KRT86: variants seen among roughly 807,000 people sequenced by gnomAD.
The protein encoded by KRT86 is keratin, type II cuticular Hb6.
KRT86 carries 30 observed loss-of-function variants against 41.2 expected under a neutral mutation model. The observed-to-expected ratio is 0.73, with a 90% CI of 0.54 to 0.99. The LOEUF is 0.99. KRT86 is among the 50% of genes least tolerant of loss of function. The pLI, the probability that KRT86 is intolerant of heterozygous loss-of-function variation, is 0.00. For missense variants in KRT86, 561 were observed against 571.4 expected (o/e 0.98, Z 0.19); for synonymous variants, 238 against 238.1 (o/e 1.00, Z 0.00).
intron 2 of KRT86, among the ~76,000 whole-genome samples, chr12:52,277,349 A>C (rs552996537): frequency 6.6e-6 from 1 of 152,158 alleles, no homozygotes; most frequent in Admixed American, 6.5e-5. Flanking sequence ...CAGACAAACA[A>C]ACACAAGTTT....
At chr12:52,299,820 T>C (rs2121288967) in intron 2 of KRT86, among the ~76,000 whole-genome samples, 1 of 152,344 alleles carries the variant, frequency 6.6e-6, no homozygotes, top group South Asian at 2.1e-4. Context: ...GTTGTTTGAG[T>C]TCCTTATATA....
At position 52,305,661 on chromosome 12, in the gene KRT86, A is replaced by T. The variant is rs368730127; in HGVS notation, c.901-2A>T. On this transcript the variant is annotated splice_acceptor_variant, in intron 7 of 10. Coordinates refer to ENST00000423955, the MANE Select transcript of KRT86 (RefSeq NM_001320198.2). LOFTEE classifies it high-confidence loss of function. ...CCTCATGAGCATCTCTACTTCCCCC[A>T]GTGTGAGGAGATGAAGGCCACGGTG... is the stretch of plus-strand genomic sequence containing the variant. 3.1e-6 allele frequency: 5 copies of T among 1,614,050 alleles called. No individual in the cohort carries two copies. The African/African-American group carries it at 6.7e-5, about 22-fold the overall frequency.
intron 3 of KRT86, among the ~76,000 whole-genome samples, chr12:52,302,842 G>GT (rs1491513363): frequency 1.5e-4 from 3 of 20,124 alleles, no homozygotes; most frequent in South Asian, 4.2e-3. Flanking sequence ...GGTGGGGGGT[G>GT]GGGGGGGGGT....
chr12:52,299,332 T>C (rs571892330), intron 2 of KRT86, among the ~76,000 whole-genome samples: 3 of 152,370 alleles, frequency 2.0e-5, no homozygotes, highest in Non-Finnish European at 4.4e-5. Flanking sequence ...TAACATACTT[T>C]CTTTATTCAT....
intron 2 of KRT86, among the ~76,000 whole-genome samples, chr12:52,296,974 A>G (rs1032057863): frequency 2.0e-5 from 3 of 152,204 alleles, no homozygotes; most frequent in Non-Finnish European, 2.9e-5. Context: ...CTGTGCCTCA[A>G]CCGGCATTCT....
In KRT86 at chr12:52,306,135, T is replaced by C. The variant is rs11170087; in HGVS notation, c.1102T>C (p.Leu368=). ...GGCCCTCAGCGATGCCCGCTGCAAG[T>C]TGGCCGAGCTGGAGGGTGCCCTGCA... The part of the protein sequence containing the change: ...EAALSDARCK[L]AELEGALQKA... Residue 368 remains leucine, a synonymous_variant, in exon 9 of 11, where the codon TTG becomes CTG. Transcript: ENST00000423955. The C allele has an allele frequency of 1.6e-3, 2,610 of 1,611,928 alleles. 56 individuals are homozygous for C. In the African/African-American group the frequency reaches 0.029, roughly 18 times the overall value.
At chr12:52,287,184 ACTCCC>A (rs1937972866) in intron 2 of KRT86, 1 of 1,613,460 alleles carries the variant, frequency 6.2e-7, no homozygotes, top group Admixed American at 1.7e-5. Flanking sequence ...ACCTCCTGGT[ACTCCC>A]TGATCAGGCA....
Position 52,285,994 on chromosome 12 carries a change from G to A in KRT86, c.-5+10048G>A, listed in dbSNP as rs1937916076. 5.5e-6 allele frequency: 3 copies of A among 541,032 alleles called. No homozygotes were observed. In the Admixed American group the frequency reaches 9.4e-5, roughly 17 times the overall value. 33.5% of individuals were successfully genotyped at this position (541,032 alleles called of 1,614,324 possible). A position where few individuals can be genotyped will look rare whatever the true frequency, so the allele number is the denominator to read the frequency against. ...CAGGAAGGCAGTTGCCGTGGGCAAG[G>A]TTCTGGTCCTGGCCCTTCCTGCTCC... is the stretch of plus-strand genomic sequence containing the variant. On this transcript the variant is annotated intron_variant, in intron 2 of 10. Transcript: ENST00000423955.
At chr12:52,295,208 C>G (rs1938220604) in intron 2 of KRT86, among the ~76,000 whole-genome samples, 1 of 152,100 alleles carries the variant, frequency 6.6e-6, no homozygotes, top group African/African-American at 2.4e-5. Flanking sequence ...ATAATAAAAT[C>G]TTTTGATGTT....
intron 2 of KRT86, among the ~76,000 whole-genome samples, chr12:52,298,465 G>C (rs988663674): frequency 6.6e-6 from 1 of 152,264 alleles, no homozygotes; most frequent in African/African-American, 2.4e-5. Flanking sequence ...GCATGTGGAT[G>C]AGTATATCCC....
chr12:52,286,030 T>G, intron 2 of KRT86: 1 of 581,200 alleles, frequency 1.7e-6, no homozygotes, highest in South Asian at 2.0e-5. Context: ...TGAGGCCCCT[T>G]CCTATGGGTG....
At chr12:52,306,576 A>G (rs1197594973) in intron 9 of KRT86, 5 of 541,612 alleles carry the variant, frequency 9.2e-6, no homozygotes, top group Non-Finnish European at 1.7e-5. Flanking sequence ...TTGCCTGGGT[A>G]GTGCTTCTTC....
Position 52,304,295 on chromosome 12 carries a change from G to A in KRT86, c.639+124G>A. 7 of 243,276 alleles carry A rather than the reference G, an allele frequency of 2.9e-5. 1 individual carries two copies. Among genetic ancestry groups the A allele is most frequent in the South Asian group, 2.3e-4 (7 of 31,106 alleles). The allele number at this position is 243,276 out of a possible 1,614,324, so 15.1% of individuals were successfully genotyped here. On this transcript the variant is annotated intron_variant, in intron 5 of 10. Transcript: ENST00000423955. Reference sequence around the variant, plus strand: ...CAATGACCTTTCCACAGCAGGCTAGGACTGCCCAGATGCAGGCCTTTGTAT... The same window carrying A: ...CAATGACCTTTCCACAGCAGGCTAGAACTGCCCAGATGCAGGCCTTTGTAT...
intron 2 of KRT86, among the ~76,000 whole-genome samples, chr12:52,293,704 G>A (rs555605118): frequency 1.4e-4 from 22 of 152,288 alleles, no homozygotes; most frequent in African/African-American, 5.1e-4. Flanking sequence ...CTGGTATATG[G>A]CAATACTTTG....
intron 2 of KRT86, chr12:52,279,291 C>G (rs1307431852): frequency 1.3e-5 from 2 of 152,394 alleles, no homozygotes; most frequent in Admixed American, 6.5e-5. Context: ...ACTTAGCCCT[C>G]TTGTGTCAGA....
Position 52,308,726 on chromosome 12 carries a change from C to A in KRT86, c.*141C>A. On this transcript the variant is annotated 3_prime_UTR_variant, in exon 11 of 11. Coordinates refer to ENST00000423955, the MANE Select transcript of KRT86 (RefSeq NM_001320198.2). Reference sequence around the variant, plus strand: ...ACTCTAAGCGCCCTCCCCACCGCTCCGCTCCGGGAGCCATCCCCGGTCGCA... The same window carrying A: ...ACTCTAAGCGCCCTCCCCACCGCTCAGCTCCGGGAGCCATCCCCGGTCGCA... 1.3e-6 allele frequency: 1 copy of A among 774,784 alleles called. No individual in the cohort carries two copies. Among genetic ancestry groups the A allele is most frequent in the South Asian group, 1.8e-5 (1 of 56,796 alleles). The allele number at this position is 774,784 out of a possible 1,614,324, so 48.0% of individuals were successfully genotyped here.
intron 2 of KRT86, among the ~76,000 whole-genome samples, chr12:52,295,735 A>T (rs774408680): frequency 2.0e-5 from 3 of 152,250 alleles, no homozygotes; most frequent in Non-Finnish European, 4.4e-5. Context: ...GGCTTGTCAC[A>T]TAGTAGGTGC....
In KRT86 at chr12:52,301,817, C is replaced by G. The variant is rs984777992; in HGVS notation, c.-4-96C>G. The stretch of plus-strand genomic sequence containing the variant: ...CAGTCTCCCCACTTATATAAAAGGC[C>G]TACAGAGGTGCAAGTAGTGAACGCC... On this transcript the variant is annotated intron_variant, in intron 2 of 10. Transcript: ENST00000423955. 8.1e-6 allele frequency: 13 copies of G among 1,612,238 alleles called. No individual in the cohort carries two copies. In the African/African-American group the frequency reaches 1.7e-4, roughly 22 times the overall value.
At position 52,287,720 on chromosome 12, in the gene KRT86, C is replaced by T. The variant is rs113592710; in HGVS notation, c.-5+11774C>T. The T allele has an allele frequency of 3.6e-5, 58 of 1,614,066 alleles. 3 individuals are homozygous for T. In the Middle Eastern group the frequency reaches 3.0e-3, roughly 83 times the overall value. On this transcript the variant is annotated intron_variant, in intron 2 of 10. Transcript: ENST00000423955. ...GATCACCGTGGCCTTCATCTCCTCA[C>T]ACTGGGGGAAGTAGAGATGCTCATG...
Sources: gnomAD v4.1 joint callset for allele counts (sites outside exome capture counted in the v4.1 genomes callset) on GRCh38, gnomAD v4.1.1 for gene constraint, MANE v1.5 for transcripts, NCBI Gene and HGNC (gene_info 2026-07-23, HGNC 2026-07-21) for gene names.